Variants in MED28 observed in about 807,000 individuals in gnomAD.
MED28 encodes the protein mediator complex subunit 28.
MED28 carries 26 observed loss-of-function variants against 21.3 expected under a neutral mutation model. The observed-to-expected ratio is 1.22, with a 90% CI of 0.89 to 1.69. The LOEUF is 1.69. Ranked by LOEUF, MED28 falls within the 40% of genes most tolerant of loss-of-function variation. The pLI is 0.00. For missense variants in MED28, 257 were observed against 215.4 expected, an observed-to-expected ratio of 1.19 and a Z score of -1.21; for synonymous variants, 110 against 87.6, an observed-to-expected ratio of 1.26 and a Z score of -1.43.
chr4:17,630,684 G>A lies in MED28; in HGVS notation c.*6886G>A, dbSNP rs1293956183. The A allele has an allele frequency of 6.6e-6, 1 of 152,164 alleles. No homozygotes were observed. Among genetic ancestry groups the A allele is most frequent in the African/African-American group, 2.4e-5 (1 of 41,430 alleles). 9.4% of individuals were successfully genotyped at this position (152,164 alleles called of 1,614,324 possible). On this transcript the variant is annotated 3_prime_UTR_variant, in exon 4 of 4. Coordinates refer to ENST00000237380, the MANE Select transcript of MED28 (RefSeq NM_025205.5). ...ATGGTGTGTTAATGTATGGTGACAA[G>A]TGTTTGTTTGCATTTAAAAATGCAT...
chr4:17,633,971 C>T lies in MED28; in HGVS notation c.*10173C>T. On this transcript the variant is annotated 3_prime_UTR_variant, in exon 4 of 4. Coordinates refer to ENST00000237380, the MANE Select transcript of MED28 (RefSeq NM_025205.5). Reference sequence around the variant, plus strand: ...TATTGTAAAAGCAAATAATGCTCACCCAATCAAAATTGTATCGGAGAAGAA... The same window carrying T: ...TATTGTAAAAGCAAATAATGCTCACTCAATCAAAATTGTATCGGAGAAGAA... 1.8e-6 allele frequency: 2 copies of T among 1,120,008 alleles called. No homozygotes were observed. Among genetic ancestry groups the T allele is most frequent in the Non-Finnish European group, 2.4e-6 (2 of 845,074 alleles). The allele number at this position is 1,120,008 out of a possible 1,614,324, so 69.4% of individuals were successfully genotyped here. A position where few individuals can be genotyped will look rare whatever the true frequency, so the allele number is the denominator to read the frequency against.
intron 2 of MED28, among the ~76,000 whole-genome samples, chr4:17,620,713 T>TTTTG (rs1714601971): frequency 1.1e-5 from 1 of 93,214 alleles, no homozygotes; most frequent in African/African-American, 3.8e-5. Flanking sequence ...TTTTTTTTTT[T>TTTTG]GGAGACAGAG....
chr4:17,632,448 G>T lies in MED28; in HGVS notation c.*8650G>T. 8.7e-7 allele frequency: 1 copy of T among 1,149,812 alleles called. No individual in the cohort carries two copies. The highest frequency in any genetic ancestry group is 1.2e-6 in the Non-Finnish European group (1 of 806,330). The allele number at this position is 1,149,812 out of a possible 1,614,324, so 71.2% of individuals were successfully genotyped here. On this transcript the variant is annotated 3_prime_UTR_variant, in exon 4 of 4. Transcript: ENST00000237380. ...AAATCATAAGCATATTATTTGGTTG[G>T]TTGGTGTTAGTTCATTCCTTCAATC...
Position 17,633,068 on chromosome 4 carries a change from G to T in MED28, c.*9270G>T, listed in dbSNP as rs762129180. 1 of 156,716 alleles carries T rather than the reference G, an allele frequency of 6.4e-6. No homozygotes were observed. Among genetic ancestry groups the T allele is most frequent in the Non-Finnish European group, 1.4e-5 (1 of 70,868 alleles). 9.7% of individuals were successfully genotyped at this position (156,716 alleles called of 1,614,324 possible). A position where few individuals can be genotyped will look rare whatever the true frequency, so the allele number is the denominator to read the frequency against. Reference sequence around the variant, plus strand: ...CTCCCGGGGAGCTGGAATTACAGGCGCATACCACCACACCTGGCTAATTTT... The same window carrying T: ...CTCCCGGGGAGCTGGAATTACAGGCTCATACCACCACACCTGGCTAATTTT... On this transcript the variant is annotated 3_prime_UTR_variant, in exon 4 of 4. Coordinates refer to ENST00000237380, the MANE Select transcript of MED28 (RefSeq NM_025205.5).
At position 17,623,873 on chromosome 4, in the gene MED28, G is replaced by T; in HGVS notation, c.*75G>T. 1.4e-6 allele frequency: 2 copies of T among 1,476,208 alleles called. No homozygotes were observed. The highest frequency in any genetic ancestry group is 1.2e-5 in the South Asian group (1 of 81,428). The allele number at this position is 1,476,208 out of a possible 1,614,324, so 91.4% of individuals were successfully genotyped here. A position where few individuals can be genotyped will look rare whatever the true frequency, so the allele number is the denominator to read the frequency against. On this transcript the variant is annotated 3_prime_UTR_variant, in exon 4 of 4. Coordinates refer to ENST00000237380, the MANE Select transcript of MED28 (RefSeq NM_025205.5). ...GCCACACATTCCTTCCTGTGGACTTGACATTTTGGAAGAACTCTTTGCCAG... is the reference window on the plus strand; with the variant it reads ...GCCACACATTCCTTCCTGTGGACTTTACATTTTGGAAGAACTCTTTGCCAG...
At chr4:17,615,770 A>T (rs1714432522) in intron 1 of MED28, among the ~76,000 whole-genome samples, 1 of 152,170 alleles carries the variant, frequency 6.6e-6, no homozygotes, top group Non-Finnish European at 1.5e-5. Flanking sequence ...AGACCGCGCC[A>T]TTGCACTCCA....
intron 1 of MED28, among the ~76,000 whole-genome samples, chr4:17,615,724 C>G (rs972063953): frequency 6.6e-6 from 1 of 151,892 alleles, no homozygotes; most frequent in Non-Finnish European, 1.5e-5. Flanking sequence ...GCAGGAGAAT[C>G]GCTTGAACCT....
Position 17,631,924 on chromosome 4 carries a change from C to A in MED28, c.*8126C>A, listed in dbSNP as rs1174134155. 6.6e-6 allele frequency: 1 copy of A among 152,022 alleles called. No homozygotes were observed. Among genetic ancestry groups the A allele is most frequent in the East Asian group, 1.9e-4 (1 of 5,190 alleles). 9.4% of individuals were successfully genotyped at this position (152,022 alleles called of 1,614,324 possible). On this transcript the variant is annotated 3_prime_UTR_variant, in exon 4 of 4. Coordinates refer to ENST00000237380, the MANE Select transcript of MED28 (RefSeq NM_025205.5). The stretch of plus-strand genomic sequence containing the variant: ...AAATAGATCATGGAAATCACAAAGT[C>A]TGATGTTCCACAAAATGGAGTATGA...
At chr4:17,621,359 ATCTC>A (rs1053727294) in intron 2 of MED28, among the ~76,000 whole-genome samples, 19 of 151,258 alleles carry the variant, frequency 1.3e-4, no homozygotes, top group Middle Eastern at 3.2e-3. Context: ...CTATATTAAT[ATCTC>A]TCTCTTTTTT....
At position 17,624,663 on chromosome 4, in the gene MED28, C is replaced by G. The variant is rs931280026; in HGVS notation, c.*865C>G. 1 of 150,428 alleles carries G rather than the reference C, an allele frequency of 6.6e-6. No individual in the cohort carries two copies. The highest frequency in any genetic ancestry group is 6.7e-5 in the Admixed American group (1 of 15,012). 9.3% of individuals were successfully genotyped at this position (150,428 alleles called of 1,614,324 possible). On this transcript the variant is annotated 3_prime_UTR_variant, in exon 4 of 4. Transcript: ENST00000237380. ...TTTGTTTGCGTGTATCATTTTTGTT[C>G]TACATTTTGGGAGGGGAAACATTTT...
Position 17,629,657 on chromosome 4 carries a change from C to T in MED28, c.*5859C>T, listed in dbSNP as rs1188574516. 1 of 151,828 alleles carries T rather than the reference C, an allele frequency of 6.6e-6. No individual in the cohort carries two copies. The highest frequency in any genetic ancestry group is 2.4e-5 in the African/African-American group (1 of 41,104). The allele number at this position is 151,828 out of a possible 1,614,324, so 9.4% of individuals were successfully genotyped here. ...AATACTGTTTTTTTCTCTCTCTTAA[C>T]TTAATCCCGAATTGGATAATTTCTC... On this transcript the variant is annotated 3_prime_UTR_variant, in exon 4 of 4. Coordinates refer to ENST00000237380, the MANE Select transcript of MED28 (RefSeq NM_025205.5).
intron 1 of MED28, 113 bp from the exon 2 acceptor site, chr4:17,619,788 C>T (rs1714564586): frequency 1.2e-6 from 1 of 861,880 alleles, no homozygotes; most frequent in Non-Finnish European, 1.9e-6. Context: ...CATATGCAAA[C>T]ACAGATGCTG....
At chr4:17,621,882 G>A (rs1361271213) in intron 3 of MED28, among the ~76,000 whole-genome samples, 183 bp downstream of exon 3, 1 of 152,202 alleles carries the variant, frequency 6.6e-6, no homozygotes, top group Non-Finnish European at 1.5e-5. Flanking sequence ...GCCAAGGAGT[G>A]GGGTCCGAAA....
intron 2 of MED28, among the ~76,000 whole-genome samples, chr4:17,621,257 C>T (rs1714620420): frequency 6.6e-6 from 1 of 152,106 alleles, no homozygotes; most frequent in Non-Finnish European, 1.5e-5. Context: ...CATGATTCGC[C>T]CACCTCGGCC....
In MED28 at chr4:17,614,718, G is replaced by T; in HGVS notation, c.64G>T (p.Gly22Cys). The T allele has an allele frequency of 6.2e-7, 1 of 1,614,198 alleles. No individual in the cohort carries two copies. Among genetic ancestry groups the T allele is most frequent in the Non-Finnish European group, 8.5e-7 (1 of 1,180,036 alleles). Residue 22 changes from glycine to cysteine, a missense_variant, in exon 1 of 4, where the codon GGC becomes TGC. Transcript: ENST00000237380. ...QPPGPPQAPPGLPGQASLLQA... is the reference protein window; with the variant it reads ...QPPGPPQAPPCLPGQASLLQA... ...ACCCGGTCCCCCTCAGGCCCCGCCG[G>T]GCCTTCCGGGCCAAGCTTCGCTTCT... is the stretch of plus-strand genomic sequence containing the variant.
rs1714641373 is a variant in MED28, at chr4:17,621,684, G to A, written c.324G>A (p.Glu108=). The change falls in exon 3 of 4, where the codon GAG becomes GAA. Residue 108 remains glutamate (E), a synonymous_variant. Transcript: ENST00000237380. The part of the protein sequence containing the change: ...KRLQLSVQKP[E]QVIKEDVSEL... ...TGCAGTTATCTGTCCAGAAACCAGA[G>A]CAAGTTATCAAAGAGGTATGAACTC... 6.2e-7 allele frequency: 1 copy of A among 1,609,484 alleles called. No homozygotes were observed. Among genetic ancestry groups the A allele is most frequent in the Non-Finnish European group, 8.5e-7 (1 of 1,178,440 alleles).
In MED28 at chr4:17,619,946, G is replaced by C; in HGVS notation, c.205G>C (p.Asp69His). Residue 69 changes from aspartate to histidine, a missense_variant, in exon 2 of 4, where the codon GAT becomes CAT. Coordinates refer to ENST00000237380, the MANE Select transcript of MED28 (RefSeq NM_025205.5). ...GAGTCAGGACTATGTCAATGGCACC[G>C]ATCAGGAAGAAATTCGAACCGGTAA... ...LVSQDYVNGT[D>H]QEEIRTGVDQ... 2 of 1,614,050 alleles carry C rather than the reference G, an allele frequency of 1.2e-6. No homozygotes were observed. Among genetic ancestry groups the C allele is most frequent in the Non-Finnish European group, 1.7e-6 (2 of 1,179,956 alleles).
intron 1 of MED28, among the ~76,000 whole-genome samples, chr4:17,617,347 G>C (rs778165316): frequency 6.6e-6 from 1 of 152,214 alleles, no homozygotes; most frequent in Non-Finnish European, 1.5e-5. Context: ...TCCTATTGGG[G>C]TGCCACTCCT....
rs1340050258 is a variant in MED28, at chr4:17,624,373, T to C, written c.*575T>C. On this transcript the variant is annotated 3_prime_UTR_variant, in exon 4 of 4. Coordinates refer to ENST00000237380, the MANE Select transcript of MED28 (RefSeq NM_025205.5). ...AGGTCAGAAGACGATGGAACTGTCCTGGGTTAGTATAGTAATCTTACAGTA... is the reference window on the plus strand; with the variant it reads ...AGGTCAGAAGACGATGGAACTGTCCCGGGTTAGTATAGTAATCTTACAGTA... 6.5e-6 allele frequency: 1 copy of C among 154,550 alleles called. No individual in the cohort carries two copies. The highest frequency in any genetic ancestry group is 6.3e-5 in the Admixed American group (1 of 15,830). 9.6% of individuals were successfully genotyped at this position (154,550 alleles called of 1,614,324 possible). A position where few individuals can be genotyped will look rare whatever the true frequency, so the allele number is the denominator to read the frequency against.
Sources: gnomAD v4.1 joint callset for allele counts (sites outside exome capture counted in the v4.1 genomes callset) on GRCh38, gnomAD v4.1.1 for gene constraint, MANE v1.5 for transcripts, NCBI Gene and HGNC (gene_info 2026-07-23, HGNC 2026-07-21) for gene names.